The following DMD variants were observed in gnomAD, a reference collection of about 807,000 sequenced individuals.
DMD encodes dystrophin.
In DMD, 63 loss-of-function variants were observed where a neutral mutation model predicts 330.1. The ratio of observed to expected loss-of-function variants is 0.19; its 90% CI spans 0.16 to 0.24. DMD has a LOEUF of 0.24. Among genes scored for constraint, DMD ranks in the 10% least tolerant of loss-of-function variants. DMD has a pLI of 1.00. For missense variants in DMD, 3,344 were observed against 2,684.1 expected (o/e 1.25, Z -5.43); for synonymous variants, 1,223 against 959.8 (o/e 1.27, Z -5.07).
At chrX:33,148,336 T>C (rs1305104056) in intron 1 of DMD, among the ~76,000 whole-genome samples, 1 of 112,467 alleles carries the variant, frequency 8.9e-6, no homozygotes, top group Non-Finnish European at 1.9e-5. Context: ...AGACGGTTGA[T>C]ATTTCTTAGG....
At chrX:32,448,704 G>C in intron 26 of DMD, 66 bp from the exon 27 acceptor site, 1 of 995,599 alleles carries the variant, frequency 1.0e-6, no homozygotes, top group Middle Eastern at 3.9e-4. Context: ...GCATTTCTAT[G>C]AATCATATAA....
At chrX:31,650,750 T>C (rs776388331) in intron 54 of DMD, among the ~76,000 whole-genome samples, 1 of 112,004 alleles carries the variant, frequency 8.9e-6, no homozygotes, top group Non-Finnish European at 1.9e-5. Flanking sequence ...TGTTTTTACT[T>C]TCAGAAAAAT....
intron 66 of DMD, 97 bp downstream of exon 66, chrX:31,206,485 C>G: frequency 1.3e-6 from 1 of 771,478 alleles, no homozygotes; most frequent in Non-Finnish European, 1.9e-6. Flanking sequence ...CATGAGGAAT[C>G]TGCTGTCAAA....
At chrX:31,535,553 A>G (rs2073321719) in intron 55 of DMD, among the ~76,000 whole-genome samples, 1 of 103,256 alleles carries the variant, frequency 9.7e-6, no homozygotes, top group Non-Finnish European at 2.0e-5. Context: ...AAACCTAGGC[A>G]TTACCATTCA....
In DMD at chrX:32,579,165, A is replaced by C. The variant is rs1298856872; in HGVS notation, c.1603-5319T>G. 4.4e-4 allele frequency among the ~76,000 whole-genome samples: 49 copies of C among 111,976 alleles called. 1 individual carries two copies. The highest frequency in any genetic ancestry group is 7.5e-5 in the Non-Finnish European group (4 of 53,176). On this transcript the variant is annotated intron_variant, in intron 13 of 78. Coordinates refer to ENST00000357033, the MANE Select transcript of DMD (RefSeq NM_004006.3). ...TACACATTTCTACAAACTGAACTGA[A>C]GCACCATACTATAAAATGGTGTACC...
chrX:32,034,246 T>C (rs922608563), intron 44 of DMD, among the ~76,000 whole-genome samples: 7 of 112,062 alleles, frequency 6.2e-5, no homozygotes, highest in African/African-American at 2.3e-4. Flanking sequence ...AGCTCAACAA[T>C]TAAATTGATA....
intron 1 of DMD, among the ~76,000 whole-genome samples, chrX:33,242,020 C>T (rs1481973667): frequency 8.9e-6 from 1 of 112,219 alleles, no homozygotes; most frequent in African/African-American, 3.2e-5. Flanking sequence ...CCTCGGCCTC[C>T]CAAAGTGATG....
intron 62 of DMD, among the ~76,000 whole-genome samples, chrX:31,305,249 T>C (rs527878560): frequency 3.6e-5 from 4 of 112,030 alleles, no homozygotes; most frequent in Middle Eastern, 4.2e-3. Context: ...CACCAACATA[T>C]CATTTATTTT....
chrX:31,667,317 A>G (rs768291282), intron 53 of DMD, among the ~76,000 whole-genome samples: 5 of 111,934 alleles, frequency 4.5e-5, no homozygotes, highest in African/African-American at 1.6e-4. Context: ...ACATTTTAAA[A>G]TTTATTCATT....
intron 2 of DMD, among the ~76,000 whole-genome samples, chrX:32,902,158 A>AACACACACACACAC (rs774414536): frequency 2.5e-4 from 22 of 86,641 alleles, no homozygotes; most frequent in South Asian, 6.3e-4. Flanking sequence ...CACACACACA[A>AACACACACACACAC]ACACACACAC....
intron 3 of DMD, among the ~76,000 whole-genome samples, chrX:32,846,042 T>C (rs1048938398): frequency 8.1e-5 from 9 of 111,794 alleles, no homozygotes; most frequent in Non-Finnish European, 1.9e-5. Flanking sequence ...ATTGTACATA[T>C]GGTTTCTGGC....
chrX:33,217,768 A>G, intron 1 of DMD, among the ~76,000 whole-genome samples: 1 of 111,628 alleles, frequency 9.0e-6, no homozygotes, highest in Admixed American at 9.6e-5. Flanking sequence ...TTGATTAGCA[A>G]TTGACTTTTA....
intron 62 of DMD, among the ~76,000 whole-genome samples, chrX:31,318,883 C>A (rs1381317163): frequency 8.9e-6 from 1 of 112,019 alleles, no homozygotes. Context: ...GCAACCACAG[C>A]GTCTTTGAAG....
intron 7 of DMD, among the ~76,000 whole-genome samples, chrX:32,716,750 A>G (rs2065775178): frequency 9.0e-6 from 1 of 111,057 alleles, no homozygotes; most frequent in South Asian, 3.9e-4. Context: ...GGACAATGAG[A>G]TCCAGGCTGA....
chrX:32,464,840 A>G, intron 23 of DMD, 141 bp from the exon 24 acceptor site: 3 of 496,749 alleles, frequency 6.0e-6, no homozygotes, highest in Non-Finnish European at 1.1e-5. Flanking sequence ...GAGGCAAAGA[A>G]TATTTTTACT....
chrX:32,800,336 TTC>T (rs1359283537), intron 7 of DMD, among the ~76,000 whole-genome samples: 3 of 111,761 alleles, frequency 2.7e-5, no homozygotes, highest in African/African-American at 9.8e-5. Flanking sequence ...AGAGATGGTG[TTC>T]TGTCTTTTGT....
chrX:33,181,380 T>A (rs1260249309), intron 1 of DMD, among the ~76,000 whole-genome samples: 1 of 111,677 alleles, frequency 9.0e-6, no homozygotes, highest in African/African-American at 3.3e-5. Flanking sequence ...TATCAGTCGA[T>A]GGGCACCATT....
intron 1 of DMD, among the ~76,000 whole-genome samples, chrX:33,048,352 A>G (rs144300445): frequency 0.018 from 2,020 of 111,325 alleles, 46 homozygotes; most frequent in African/African-American, 0.063. Context: ...CATGTGTCAC[A>G]AATTTATAGC....
At chrX:32,701,917 C>T (rs776128171) in intron 7 of DMD, among the ~76,000 whole-genome samples, 26 of 111,816 alleles carry the variant, frequency 2.3e-4, no homozygotes, top group African/African-American at 7.1e-4. Flanking sequence ...AATAAATATG[C>T]ACTTATTTAA....
Sources: gnomAD v4.1 joint callset for allele counts (sites outside exome capture counted in the v4.1 genomes callset) on GRCh38, gnomAD v4.1.1 for gene constraint, MANE v1.5 for transcripts, NCBI Gene and HGNC (gene_info 2026-07-23, HGNC 2026-07-21) for gene names.